Variants in RBFOX1 observed in about 807,000 individuals in gnomAD.
The protein encoded by RBFOX1 is RNA binding fox-1 homolog 1.
A neutral mutation model predicts 57.7 loss-of-function variants in RBFOX1; 8 were observed. The ratio of observed to expected loss-of-function variants is 0.14; its 90% CI spans 0.08 to 0.25. The LOEUF (loss-of-function observed/expected upper bound fraction) is 0.25, where lower values mean the gene tolerates loss of function less well. Among genes scored for constraint, RBFOX1 ranks in the 10% least tolerant of loss-of-function variants. The pLI is 1.00. For synonymous variants in RBFOX1, 326 were observed against 222.4 expected (o/e 1.47, Z -4.15); for missense variants, 611 against 548.5 (o/e 1.11, Z -1.14).
At chr16:6,633,676 C>A (rs888571488) in intron 2 of RBFOX1, among the ~76,000 whole-genome samples, 2 of 152,050 alleles carry the variant, frequency 1.3e-5, no homozygotes, top group South Asian at 2.1e-4. Context: ...CAGCCAGTTA[C>A]TGATGGCTGT....
chr16:7,029,920 A>G (rs1487240238), intron 3 of RBFOX1, among the ~76,000 whole-genome samples: 1 of 152,218 alleles, frequency 6.6e-6, no homozygotes, highest in Non-Finnish European at 1.5e-5. Flanking sequence ...TCTCACTAGA[A>G]TGGGAGATTT....
intron 3 of RBFOX1, among the ~76,000 whole-genome samples, chr16:7,005,265 A>G (rs1468655802): frequency 1.3e-5 from 2 of 152,212 alleles, no homozygotes; most frequent in East Asian, 1.9e-4. Flanking sequence ...TTACCTTTCA[A>G]GAGAACCTAA....
chr16:6,502,334 G>A (rs936012692), intron 2 of RBFOX1, among the ~76,000 whole-genome samples: 2 of 152,120 alleles, frequency 1.3e-5, no homozygotes, highest in Non-Finnish European at 2.9e-5. Flanking sequence ...CTTCAGCTCT[G>A]TGACGTTCCC....
intron 4 of RBFOX1, among the ~76,000 whole-genome samples, chr16:7,342,087 C>T (rs1173049128): frequency 2.6e-5 from 4 of 152,020 alleles, no homozygotes; most frequent in Non-Finnish European, 4.4e-5. Flanking sequence ...TTCTTATTTC[C>T]TGAGGCAGCA....
At chr16:6,579,448 C>T (rs1056727587) in intron 2 of RBFOX1, among the ~76,000 whole-genome samples, 1 of 152,078 alleles carries the variant, frequency 6.6e-6, no homozygotes, top group African/African-American at 2.4e-5. Flanking sequence ...ATGGGAGGGA[C>T]CTGGTGGAAG....
rs557589911 is a variant in RBFOX1 at position 7,388,426 on chromosome 16, A to G, written c.28-129721A>G. ...TAAAATCTGTAGAGTGAAGTGTGCA[A>G]TATATGGGCTTTGGGATACAACAAA... On this transcript the variant is annotated intron_variant, in intron 4 of 15. Transcript: ENST00000550418. Among the ~76,000 whole-genome samples, 18 of 152,300 alleles carry G rather than the reference A, an allele frequency of 1.2e-4. 1 individual carries two copies. The South Asian group carries it at 3.3e-3, about 28-fold the overall frequency.
chr16:6,430,997 G>C (rs891755900), intron 2 of RBFOX1, among the ~76,000 whole-genome samples: 14 of 151,576 alleles, frequency 9.2e-5, no homozygotes, highest in African/African-American at 3.4e-4. Flanking sequence ...AATTAGCCAG[G>C]TGTGTTGCTG....
intron 4 of RBFOX1, chr16:5,867,417 G>A: frequency 1.1e-6 from 1 of 894,060 alleles, no homozygotes. Context: ...GAGCATTCTA[G>A]CAATGATTCT....
rs537208876 is a variant in RBFOX1 at position 6,422,495 on chromosome 16, A to G, written c.-64+105438A>G. Among the ~76,000 whole-genome samples the G allele has an allele frequency of 5.3e-5, 8 of 152,200 alleles. No homozygotes were observed. In the East Asian group the frequency reaches 1.5e-3, roughly 29 times the overall value. ...AGTCCATTCTCACACTGCTATAAAG[A>G]AATGCCTGAGACTGGGTAATTTTTA... On this transcript the variant is annotated intron_variant, in intron 2 of 15. Transcript: ENST00000550418.
At chr16:7,549,805 T>A (rs1341111128) in intron 5 of RBFOX1, among the ~76,000 whole-genome samples, 1 of 152,120 alleles carries the variant, frequency 6.6e-6, no homozygotes, top group African/African-American at 2.4e-5. Flanking sequence ...CCTTTCCCAG[T>A]CCACTGACTC....
intron 3 of RBFOX1, among the ~76,000 whole-genome samples, chr16:6,657,334 A>G (rs1189087187): frequency 6.6e-6 from 1 of 152,090 alleles, no homozygotes; most frequent in African/African-American, 2.4e-5. Flanking sequence ...GTGAGGTTTT[A>G]GGAGCTTGCT....
At chr16:5,598,632 A>G (rs1159433207) in intron 2 of RBFOX1, among the ~76,000 whole-genome samples, 1 of 152,202 alleles carries the variant, frequency 6.6e-6, no homozygotes, top group African/African-American at 2.4e-5. Context: ...TTTCTTCATC[A>G]TGTCCTGAAA....
chr16:6,567,802 C>T (rs2097288334), intron 2 of RBFOX1, among the ~76,000 whole-genome samples: 1 of 151,906 alleles, frequency 6.6e-6, no homozygotes, highest in Non-Finnish European at 1.5e-5. Context: ...ATGGACAAAC[C>T]CCACTATTTT....
intron 3 of RBFOX1, among the ~76,000 whole-genome samples, chr16:6,839,851 C>T (rs1037335152): frequency 1.3e-5 from 2 of 152,192 alleles, no homozygotes; most frequent in Non-Finnish European, 2.9e-5. Context: ...TCTGTTCTTA[C>T]GTGATATTTG....
At chr16:5,308,520 T>A (rs762264545) in intron 1 of RBFOX1, among the ~76,000 whole-genome samples, 15 of 152,192 alleles carry the variant, frequency 9.9e-5, no homozygotes, top group Non-Finnish European at 1.9e-4. Context: ...GATTTCTGGC[T>A]GTGATAGATG....
intron 4 of RBFOX1, among the ~76,000 whole-genome samples, chr16:7,252,385 C>G (rs962334575): frequency 2.0e-5 from 3 of 152,240 alleles, no homozygotes; most frequent in African/African-American, 4.8e-5. Context: ...GGTTACACAT[C>G]TGGCTGGGGC....
chr16:7,643,377 T>C (rs1271953478), intron 11 of RBFOX1, among the ~76,000 whole-genome samples: 2 of 152,222 alleles, frequency 1.3e-5, no homozygotes, highest in African/African-American at 2.4e-5. Context: ...AAAACCCAAG[T>C]TGTAATGTGA....
At chr16:7,289,631 T>G (rs529156866) in intron 4 of RBFOX1, among the ~76,000 whole-genome samples, 1 of 152,248 alleles carries the variant, frequency 6.6e-6, no homozygotes, top group Admixed American at 6.5e-5. Context: ...ATCATCACCA[T>G]GATCATGATC....
At chr16:5,249,284 C>T (rs1269057958) in intron 1 of RBFOX1, among the ~76,000 whole-genome samples, 1 of 152,134 alleles carries the variant, frequency 6.6e-6, no homozygotes, top group African/African-American at 2.4e-5. Context: ...TCCTTGGCTT[C>T]GTGTCCCCCT....
Sources: gnomAD v4.1 joint callset for allele counts (sites outside exome capture counted in the v4.1 genomes callset) on GRCh38, gnomAD v4.1.1 for gene constraint, MANE v1.5 for transcripts, NCBI Gene and HGNC (gene_info 2026-07-23, HGNC 2026-07-21) for gene names.